Variants in FLVCR2 observed in about 807,000 individuals in gnomAD.
The protein encoded by FLVCR2 is choline/ethanolamine transporter FLVCR2.
A neutral mutation model predicts 48.9 loss-of-function variants in FLVCR2; 38 were observed. The ratio of observed to expected loss-of-function variants is 0.78; its 90% confidence interval spans 0.60 to 1.02. The LOEUF is 1.02. FLVCR2 is among the 50% of genes least tolerant of loss of function. The pLI is 0.00. For synonymous variants in FLVCR2, 255 were observed against 257.0 expected (o/e 0.99, Z 0.07); for missense variants, 664 against 663.3 (o/e 1.00, Z -0.01).
At chr14:75,614,727 A>G (rs929945170) in intron 1 of FLVCR2, among the ~76,000 whole-genome samples, 5 of 152,214 alleles carry the variant, frequency 3.3e-5, no homozygotes, top group African/African-American at 1.2e-4. Flanking sequence ...ATTTATAAAG[A>G]AAAGAGGTTT....
At chr14:75,603,474 C>T (rs1189065368) in intron 1 of FLVCR2, among the ~76,000 whole-genome samples, 1 of 152,202 alleles carries the variant, frequency 6.6e-6, no homozygotes, top group Non-Finnish European at 1.5e-5. Context: ...CTTTCCAGCT[C>T]CCCTTCCCAC....
chr14:75,590,430 T>C (rs1888853225), intron 1 of FLVCR2, among the ~76,000 whole-genome samples: 1 of 152,228 alleles, frequency 6.6e-6, no homozygotes, highest in African/African-American at 2.4e-5. Flanking sequence ...ACTCATGTCC[T>C]TTCACATACA....
chr14:75,600,874 C>T (rs530926817), intron 1 of FLVCR2, among the ~76,000 whole-genome samples: 7 of 147,160 alleles, frequency 4.8e-5, no homozygotes, highest in African/African-American at 1.3e-4. Flanking sequence ...ACAACTCAAC[C>T]GCAAAAAAAA....
chr14:75,635,596 G>A lies in FLVCR2; in HGVS notation c.1124+583G>A, dbSNP rs543580982. ...AAGGTTTTATCAGGCTGGGCGCAGT[G>A]ACTCACATCTGTAATCCCAGCACTT... On this transcript the variant is annotated intron_variant, in intron 5 of 9. Transcript: ENST00000238667. 2.6e-5 allele frequency among the ~76,000 whole-genome samples: 4 copies of A among 152,354 alleles called. No individual in the cohort carries two copies. In the South Asian group the frequency reaches 6.2e-4, roughly 24 times the overall value.
intron 1 of FLVCR2, among the ~76,000 whole-genome samples, chr14:75,617,272 C>G (rs997495349): frequency 6.6e-5 from 10 of 152,172 alleles, no homozygotes; most frequent in Non-Finnish European, 1.5e-4. Flanking sequence ...ATGGCTTCTC[C>G]CTGTCACCTA....
At chr14:75,583,927 G>A (rs771054166) in intron 1 of FLVCR2, among the ~76,000 whole-genome samples, 1 of 152,202 alleles carries the variant, frequency 6.6e-6, no homozygotes, top group Non-Finnish European at 1.5e-5. Context: ...CGAGGCGATT[G>A]GGCAGCGTCA....
rs1890427663 is a variant in FLVCR2, at chr14:75,646,638, G to A, written c.*166G>A. On this transcript the variant is annotated 3_prime_UTR_variant, in exon 10 of 10. Transcript: ENST00000238667. ...CCTCCTAGAACCCACGTAAGAGCTT[G>A]GATGATTTAGTTGGAGAAAATTGCA... 1.5e-6 allele frequency: 1 copy of A among 665,084 alleles called. No individual in the cohort carries two copies. Among genetic ancestry groups the A allele is most frequent in the African/African-American group, 1.8e-5 (1 of 56,016 alleles). 41.2% of individuals were successfully genotyped at this position (665,084 alleles called of 1,614,324 possible). A position where few individuals can be genotyped will look rare whatever the true frequency, so the allele number is the denominator to read the frequency against.
At chr14:75,611,985 T>G (rs1280900488) in intron 1 of FLVCR2, among the ~76,000 whole-genome samples, 2 of 152,156 alleles carry the variant, frequency 1.3e-5, no homozygotes, top group Non-Finnish European at 2.9e-5. Flanking sequence ...TGGCCAGAGC[T>G]TGAAGTTTAG....
chr14:75,645,814 A>G (rs1209690157), intron 9 of FLVCR2, among the ~76,000 whole-genome samples: 1 of 148,542 alleles, frequency 6.7e-6, no homozygotes, highest in African/African-American at 2.5e-5. Context: ...GCTACTTGGG[A>G]GGCTGAGGCA....
intron 3 of FLVCR2, among the ~76,000 whole-genome samples, chr14:75,627,713 TG>T (rs1455974093): frequency 1.3e-5 from 2 of 152,248 alleles, no homozygotes; most frequent in African/African-American, 4.8e-5. Flanking sequence ...GGGCATTTGT[TG>T]AAAACAGTCA....
rs1890452991 is a variant in FLVCR2 at position 75,647,801 on chromosome 14, C to T, written c.*1329C>T. On this transcript the variant is annotated 3_prime_UTR_variant, in exon 10 of 10. Coordinates refer to ENST00000238667, the MANE Select transcript of FLVCR2 (RefSeq NM_017791.3). The stretch of plus-strand genomic sequence containing the variant: ...GCTCCAGCCACTGCCCTGGCCTCAG[C>T]ATATCAGGGCAGCCTGTGCTGGCTG... 6.5e-6 allele frequency: 1 copy of T among 152,700 alleles called. No homozygotes were observed. Among genetic ancestry groups the T allele is most frequent in the South Asian group, 2.1e-4 (1 of 4,828 alleles). 9.5% of individuals were successfully genotyped at this position (152,700 alleles called of 1,614,324 possible).
chr14:75,583,170 G>A (rs760828966), intron 1 of FLVCR2, among the ~76,000 whole-genome samples: 2 of 152,226 alleles, frequency 1.3e-5, no homozygotes, highest in South Asian at 4.1e-4. Flanking sequence ...CAGAATAATC[G>A]GTTATGGAGG....
intron 3 of FLVCR2, 101 bp downstream of exon 3, chr14:75,624,853 A>C: frequency 6.9e-7 from 1 of 1,442,578 alleles, no homozygotes; most frequent in Non-Finnish European, 9.6e-7. Context: ...CCAAATGTGC[A>C]TGTAAAGCTG....
intron 9 of FLVCR2, among the ~76,000 whole-genome samples, chr14:75,643,888 T>C (rs999292161): frequency 2.6e-5 from 4 of 152,160 alleles, no homozygotes; most frequent in African/African-American, 9.7e-5. Context: ...CTGGCCAACA[T>C]GGTGAAATCC....
intron 1 of FLVCR2, among the ~76,000 whole-genome samples, chr14:75,601,075 A>G (rs189005677): frequency 6.6e-6 from 1 of 152,372 alleles, no homozygotes; most frequent in African/African-American, 2.4e-5. Context: ...CCCCCAACAA[A>G]GATTTACCCA....
chr14:75,579,035 C>G lies in FLVCR2; in HGVS notation c.63C>G (p.Leu21=). The G allele has an allele frequency of 6.2e-7, 1 of 1,614,118 alleles. No homozygotes were observed. Among genetic ancestry groups the G allele is most frequent in the Non-Finnish European group, 8.5e-7 (1 of 1,180,004 alleles). ...SDDTPVPESA[L]QADPSVSVHP... ...ACACCCCTGTGCCGGAGTCCGCACT[C>G]CAAGCGGACCCCAGCGTCTCGGTCC... is the stretch of plus-strand genomic sequence containing the variant. Residue 21 remains leucine, a synonymous_variant, in exon 1 of 10, where the codon CTC becomes CTG. Transcript: ENST00000238667.
At chr14:75,593,450 C>T (rs186180301) in intron 1 of FLVCR2, among the ~76,000 whole-genome samples, 9 of 152,334 alleles carry the variant, frequency 5.9e-5, no homozygotes, top group Non-Finnish European at 8.8e-5. Flanking sequence ...CAAGTGGACA[C>T]GTGCAAAGAG....
chr14:75,642,368 C>A (rs541216621), intron 9 of FLVCR2, among the ~76,000 whole-genome samples: 1 of 152,158 alleles, frequency 6.6e-6, no homozygotes, highest in Non-Finnish European at 1.5e-5. Context: ...GCCATGGGGA[C>A]GGAGCCAAAG....
chr14:75,646,727 T>C lies in FLVCR2; in HGVS notation c.*255T>C, dbSNP rs1890428988. 2.0e-6 allele frequency: 1 copy of C among 499,226 alleles called. No homozygotes were observed. The highest frequency in any genetic ancestry group is 1.9e-5 in the African/African-American group (1 of 51,708). 30.9% of individuals were successfully genotyped at this position (499,226 alleles called of 1,614,324 possible). ...CCTTTTAGGTTATGGGAGTTGGTGT[T>C]GGGACAGGGTGGCAGAGAATATTGG... On this transcript the variant is annotated 3_prime_UTR_variant, in exon 10 of 10. Coordinates refer to ENST00000238667, the MANE Select transcript of FLVCR2 (RefSeq NM_017791.3).
Sources: gnomAD v4.1 joint callset for allele counts (sites outside exome capture counted in the v4.1 genomes callset) on GRCh38, gnomAD v4.1.1 for gene constraint, MANE v1.5 for transcripts, NCBI Gene and HGNC (gene_info 2026-07-23, HGNC 2026-07-21) for gene names.